The following SNX2 variants were observed in gnomAD, a reference collection of about 807,000 sequenced individuals.
The protein encoded by SNX2 is sorting nexin-2.
In SNX2, 25 loss-of-function variants were observed where a neutral mutation model predicts 69.9. The ratio of observed to expected loss-of-function variants is 0.36; its 90% CI spans 0.26 to 0.50. The LOEUF (loss-of-function observed/expected upper bound fraction) is 0.50. SNX2 is among the 20% of genes least tolerant of loss of function. SNX2 has a pLI of 0.97. For synonymous variants in SNX2, 229 were observed against 200.4 expected (o/e 1.14, Z -1.20); for missense variants, 551 against 613.3 (o/e 0.90, Z 1.07).
chr5:122,791,839 T>A (rs569714637), intron 1 of SNX2, among the ~76,000 whole-genome samples: 2 of 152,384 alleles, frequency 1.3e-5, no homozygotes, highest in Non-Finnish European at 2.9e-5. Flanking sequence ...TACTGCTAGA[T>A]ACTGAGTAAA....
chr5:122,834,018 C>T lies in SNX2; in HGVS notation c.*4370C>T, dbSNP rs943451129. ...TAGAACAACTTTCTCAATTTTACAA[C>T]TAAACTAGGAGATCCAGGGCTTAAA... On this transcript the variant is annotated 3_prime_UTR_variant, in exon 15 of 15. Transcript: ENST00000379516. 1.3e-5 allele frequency: 2 copies of T among 152,188 alleles called. No homozygotes were observed. The highest frequency in any genetic ancestry group is 6.5e-5 in the Admixed American group (1 of 15,274). The allele number at this position is 152,188 out of a possible 1,614,324, so 9.4% of individuals were successfully genotyped here. A position where few individuals can be genotyped will look rare whatever the true frequency, so the allele number is the denominator to read the frequency against.
At position 122,799,680 on chromosome 5, in the gene SNX2, A is replaced by C; in HGVS notation, c.227-12A>C. On this transcript the variant is annotated splice_polypyrimidine_tract_variant and intron_variant, in intron 2 of 14. Coordinates refer to ENST00000379516, the MANE Select transcript of SNX2 (RefSeq NM_003100.4). ...CCAGTGTTCTTAACTAACTTGTTTAATCTATGTCTAGAAGCCACAGAAGAA... is the reference window on the plus strand; with the variant it reads ...CCAGTGTTCTTAACTAACTTGTTTACTCTATGTCTAGAAGCCACAGAAGAA... 1 of 1,606,088 alleles carries C rather than the reference A, an allele frequency of 6.2e-7. No homozygotes were observed. The highest frequency in any genetic ancestry group is 8.5e-7 in the Non-Finnish European group (1 of 1,175,730).
rs546340531 is a variant in SNX2, at chr5:122,794,781, G to A, written c.109-485G>A. Among the ~76,000 whole-genome samples the A allele has an allele frequency of 9.6e-4, 146 of 152,248 alleles. 1 individual carries two copies. The highest frequency in any genetic ancestry group is 3.3e-3 in the African/African-American group (139 of 41,554). Reference sequence around the variant, plus strand: ...ACACACCTGTAATCCCAGCACTTTGGGAGGCTGAAGTGGGAGGATCACTTG... The same window carrying A: ...ACACACCTGTAATCCCAGCACTTTGAGAGGCTGAAGTGGGAGGATCACTTG... On this transcript the variant is annotated intron_variant, in intron 1 of 14. Coordinates refer to ENST00000379516, the MANE Select transcript of SNX2 (RefSeq NM_003100.4).
intron 7 of SNX2, among the ~76,000 whole-genome samples, chr5:122,812,388 T>TAG (rs34981787): frequency 0.81 from 122,614 of 151,980 alleles, 50,240 homozygotes; most frequent in East Asian, 0.99. Flanking sequence ...TTTCCTACCT[T>TAG]AGTCTTTTCA....
chr5:122,789,446 C>CACACACACAT (rs1279860006), intron 1 of SNX2, among the ~76,000 whole-genome samples: 5 of 112,576 alleles, frequency 4.4e-5, no homozygotes, highest in African/African-American at 1.9e-4. Flanking sequence ...CACACATACA[C>CACACACACAT]ACACACACAC....
At chr5:122,807,481 A>G (rs1006045963) in intron 6 of SNX2, among the ~76,000 whole-genome samples, 1 of 152,198 alleles carries the variant, frequency 6.6e-6, no homozygotes, top group Admixed American at 6.5e-5. Context: ...CATTTCATGT[A>G]AAAAGGATCA....
At chr5:122,780,226 T>C (rs1752941933) in intron 1 of SNX2, among the ~76,000 whole-genome samples, 2 of 152,204 alleles carry the variant, frequency 1.3e-5, no homozygotes, top group African/African-American at 4.8e-5. Context: ...GGAAATCTAG[T>C]CTTCCTCTAG....
chr5:122,779,683 G>C (rs184536199), intron 1 of SNX2, among the ~76,000 whole-genome samples: 60 of 152,316 alleles, frequency 3.9e-4, no homozygotes, highest in African/African-American at 1.4e-3. Flanking sequence ...CATTTGAAGA[G>C]TTGCCAGACT....
chr5:122,815,848 T>C, intron 7 of SNX2, 48 bp from the exon 8 acceptor site: 1 of 985,560 alleles, frequency 1.0e-6, no homozygotes, highest in Non-Finnish European at 1.5e-6. Flanking sequence ...TGTTGAACTG[T>C]AATTCAAGAT....
At chr5:122,819,046 C>T (rs776418984) in intron 11 of SNX2, 23 bp downstream of exon 11, 19 of 1,572,880 alleles carry the variant, frequency 1.2e-5, no homozygotes, top group Middle Eastern at 3.4e-4. Flanking sequence ...TTGCATGCTT[C>T]TCACTTGTGT....
chr5:122,779,961 C>T (rs1254709502), intron 1 of SNX2, among the ~76,000 whole-genome samples: 2 of 151,726 alleles, frequency 1.3e-5, no homozygotes, highest in Non-Finnish European at 1.5e-5. Flanking sequence ...GGTTAAAGGC[C>T]TAAAGAAAGA....
chr5:122,826,913 A>G (rs979136781), intron 12 of SNX2, among the ~76,000 whole-genome samples: 3 of 152,086 alleles, frequency 2.0e-5, no homozygotes, highest in African/African-American at 4.8e-5. Context: ...TAAAATGTTT[A>G]TCATGTAATT....
chr5:122,811,833 A>ATAAATAAG (rs1753783914), intron 7 of SNX2, among the ~76,000 whole-genome samples: 1 of 145,772 alleles, frequency 6.9e-6, no homozygotes, highest in Non-Finnish European at 1.5e-5. Context: ...CTCTAAATAA[A>ATAAATAAG]TAAATAAATA....
intron 2 of SNX2, among the ~76,000 whole-genome samples, chr5:122,799,150 A>G (rs1186144208): frequency 6.6e-6 from 1 of 152,158 alleles, no homozygotes; most frequent in Non-Finnish European, 1.5e-5. Flanking sequence ...TTTAAAACCT[A>G]AACACCTATT....
chr5:122,801,183 A>T (rs182567931), intron 3 of SNX2, among the ~76,000 whole-genome samples: 2 of 152,298 alleles, frequency 1.3e-5, no homozygotes, highest in Non-Finnish European at 2.9e-5. Flanking sequence ...GAAAAATGCT[A>T]GTATTAAAAT....
chr5:122,780,865 G>T (rs1561438761), intron 1 of SNX2, among the ~76,000 whole-genome samples: 1 of 152,138 alleles, frequency 6.6e-6, no homozygotes, highest in African/African-American at 2.4e-5. Context: ...ACCACGCACA[G>T]CCTTGTTTTC....
intron 6 of SNX2, among the ~76,000 whole-genome samples, chr5:122,804,333 G>A (rs1016758866): frequency 3.3e-5 from 5 of 149,260 alleles, no homozygotes; most frequent in East Asian, 1.9e-4. Flanking sequence ...AGTTCATTTC[G>A]TACCTCAATT....
chr5:122,780,755 A>G lies in SNX2; in HGVS notation c.108+5544A>G, dbSNP rs74876362. Among the ~76,000 whole-genome samples the G allele has an allele frequency of 2.6e-5, 4 of 151,944 alleles. No individual in the cohort carries two copies. The East Asian group carries it at 7.8e-4, about 29-fold the overall frequency. On this transcript the variant is annotated intron_variant, in intron 1 of 14. Coordinates refer to ENST00000379516, the MANE Select transcript of SNX2 (RefSeq NM_003100.4). Reference sequence around the variant, plus strand: ...CGGCTAATTTTTGTATTTTTAGTGGAGACGAGGTTTCACCATGTTGACCAA... The same window carrying G: ...CGGCTAATTTTTGTATTTTTAGTGGGGACGAGGTTTCACCATGTTGACCAA...
intron 10 of SNX2, among the ~76,000 whole-genome samples, 199 bp downstream of exon 10, chr5:122,817,572 A>G (rs1466107155): frequency 6.6e-6 from 1 of 152,128 alleles, no homozygotes; most frequent in African/African-American, 2.4e-5. Flanking sequence ...AGAAGTAGAA[A>G]AATAACGAGC....
Sources: allele counts gnomAD v4.1 joint callset (sites outside exome capture counted in the v4.1 genomes callset), GRCh38; gene constraint gnomAD v4.1.1; transcripts MANE v1.5; gene names NCBI Gene and HGNC (gene_info 2026-07-23, HGNC 2026-07-21).